Variants in GABRB2 observed in about 807,000 individuals in gnomAD.
GABRB2 encodes gamma-aminobutyric acid receptor subunit beta-2.
Under a neutral mutation model 54.7 loss-of-function variants are expected in GABRB2, and 16 were observed. That is an observed-to-expected ratio of 0.29 (90% CI 0.20 to 0.44). The LOEUF is 0.44. GABRB2 is among the 20% of genes least tolerant of loss of function. The probability of loss-of-function intolerance (pLI) is 1.00; values close to 1 mark genes in which losing one functional copy is unlikely to be tolerated. For missense variants in GABRB2, 355 were observed against 644.0 expected, an observed-to-expected ratio of 0.55 and a Z score of 4.86; for synonymous variants, 244 against 233.8, an observed-to-expected ratio of 1.04 and a Z score of -0.40.
chr5:161,310,357 C>G (rs569841518), intron 9 of GABRB2, among the ~76,000 whole-genome samples: 5 of 152,252 alleles, frequency 3.3e-5, no homozygotes, highest in South Asian at 2.1e-4. Context: ...TTTCTTGAAG[C>G]CTTTGTATAA....
intron 3 of GABRB2, among the ~76,000 whole-genome samples, chr5:161,509,823 CTGCTT>C (rs1352718535): frequency 6.6e-6 from 1 of 151,962 alleles, no homozygotes; most frequent in African/African-American, 2.4e-5. Flanking sequence ...ACTATCATCT[CTGCTT>C]TGCCTCTTGA....
intron 5 of GABRB2, among the ~76,000 whole-genome samples, chr5:161,351,730 A>C (rs961985763): frequency 1.3e-5 from 2 of 152,156 alleles, no homozygotes; most frequent in African/African-American, 4.8e-5. Flanking sequence ...AGGCTTCTGC[A>C]CAGCAAAAGA....
At chr5:161,374,115 T>C (rs1251868553) in intron 5 of GABRB2, among the ~76,000 whole-genome samples, 2 of 152,040 alleles carry the variant, frequency 1.3e-5, no homozygotes, top group Admixed American at 6.6e-5. Flanking sequence ...CTGCTAATTT[T>C]GTATTTCTAG....
intron 4 of GABRB2, among the ~76,000 whole-genome samples, chr5:161,446,846 C>T (rs1757627219): frequency 6.6e-6 from 1 of 152,006 alleles, no homozygotes; most frequent in African/African-American, 2.4e-5. Flanking sequence ...TACATATTTT[C>T]TTCTCCCACT....
At chr5:161,545,918 G>A (rs897907977) in intron 2 of GABRB2, among the ~76,000 whole-genome samples, 1 of 152,170 alleles carries the variant, frequency 6.6e-6, no homozygotes, top group Non-Finnish European at 1.5e-5. Flanking sequence ...CAGGCACAGG[G>A]GGTTAACGCC....
chr5:161,478,010 A>C (rs958178491), intron 3 of GABRB2, among the ~76,000 whole-genome samples: 1 of 152,002 alleles, frequency 6.6e-6, no homozygotes, highest in Non-Finnish European at 1.5e-5. Context: ...AGAAACCTTC[A>C]CTTGCTTTGT....
chr5:161,356,477 G>A (rs1580911776), intron 5 of GABRB2, among the ~76,000 whole-genome samples: 1 of 152,158 alleles, frequency 6.6e-6, no homozygotes, highest in Admixed American at 6.6e-5. Flanking sequence ...CTCATGTTTG[G>A]CATGGCTAAC....
intron 3 of GABRB2, among the ~76,000 whole-genome samples, chr5:161,502,660 C>A (rs551035551): frequency 2.0e-5 from 3 of 152,274 alleles, no homozygotes; most frequent in South Asian, 4.1e-4. Context: ...TTCGTAAACA[C>A]CACGACTTCC....
intron 3 of GABRB2, among the ~76,000 whole-genome samples, chr5:161,503,423 A>G (rs927678783): frequency 4.6e-5 from 7 of 152,174 alleles, no homozygotes; most frequent in Admixed American, 1.3e-4. Flanking sequence ...GGTTGGTTTA[A>G]ACTTCCAAAT....
chr5:161,454,863 T>C (rs1243786724), intron 4 of GABRB2, among the ~76,000 whole-genome samples: 5 of 152,038 alleles, frequency 3.3e-5, no homozygotes, highest in Non-Finnish European at 5.9e-5. Flanking sequence ...GTTAAGGAAA[T>C]TGGTTGGAAT....
intron 5 of GABRB2, among the ~76,000 whole-genome samples, chr5:161,379,747 CT>C (rs1385240054): frequency 6.6e-6 from 1 of 152,066 alleles, no homozygotes; most frequent in African/African-American, 2.4e-5. Flanking sequence ...ACTACTAGAG[CT>C]TCATTCCTTG....
intron 3 of GABRB2, among the ~76,000 whole-genome samples, chr5:161,497,802 C>T (rs1295096392): frequency 6.6e-6 from 1 of 152,120 alleles, no homozygotes; most frequent in Non-Finnish European, 1.5e-5. Flanking sequence ...TTGGGGCATT[C>T]ATTTCATCTT....
chr5:161,476,406 T>C (rs1176803637), intron 3 of GABRB2, among the ~76,000 whole-genome samples: 1 of 151,868 alleles, frequency 6.6e-6, no homozygotes, highest in Admixed American at 6.6e-5. Context: ...AAAATCTGAA[T>C]AGCACTATGG....
intron 9 of GABRB2, among the ~76,000 whole-genome samples, chr5:161,308,025 A>AT (rs1159851121): frequency 2.7e-5 from 4 of 150,452 alleles, no homozygotes; most frequent in Admixed American, 6.6e-5. Flanking sequence ...CACCCGGCTA[A>AT]TTTTTTTTTG....
rs546048294 is a variant in GABRB2 at position 161,500,691 on chromosome 5, T to C, written c.238-40847A>G. Among the ~76,000 whole-genome samples the C allele has an allele frequency of 2.0e-5, 3 of 152,312 alleles. No individual in the cohort carries two copies. In the South Asian group the frequency reaches 6.2e-4, roughly 32 times the overall value. On this transcript the variant is annotated intron_variant, in intron 3 of 9. Coordinates refer to ENST00000393959, the MANE Select transcript of GABRB2 (RefSeq NM_001371727.1). ...TTTGTGAAAGTAAAAATCCATTTCA[T>C]TGCAGGGAGATTATTGATAAGTGAA... is the stretch of plus-strand genomic sequence containing the variant.
chr5:161,331,562 T>C (rs1013687044), intron 7 of GABRB2, among the ~76,000 whole-genome samples: 21 of 152,082 alleles, frequency 1.4e-4, no homozygotes, highest in Admixed American at 1.4e-3. Flanking sequence ...GGGTCAAAAG[T>C]CATTTTTGAC....
chr5:161,525,216 C>G (rs1222702652), intron 3 of GABRB2, among the ~76,000 whole-genome samples: 1 of 151,280 alleles, frequency 6.6e-6, no homozygotes, highest in African/African-American at 2.4e-5. Flanking sequence ...CTGGTCAGAT[C>G]TGGCTGACCC....
At chr5:161,534,218 A>G (rs1401916599) in intron 3 of GABRB2, among the ~76,000 whole-genome samples, 1 of 152,160 alleles carries the variant, frequency 6.6e-6, no homozygotes, top group Non-Finnish European at 1.5e-5. Context: ...TCACCATTTC[A>G]GGGATGCCAG....
chr5:161,427,030 C>T (rs1193003432), intron 4 of GABRB2, among the ~76,000 whole-genome samples: 2 of 152,138 alleles, frequency 1.3e-5, no homozygotes, highest in Non-Finnish European at 2.9e-5. Context: ...ATTCCCCATC[C>T]TGGTCTCTGA....
Sources: allele counts gnomAD v4.1 joint callset (sites outside exome capture counted in the v4.1 genomes callset), GRCh38; gene constraint gnomAD v4.1.1; transcripts MANE v1.5; gene names NCBI Gene and HGNC (gene_info 2026-07-23, HGNC 2026-07-21).